The following TRERF1 variants were observed in gnomAD, a reference collection of about 807,000 sequenced individuals.
The protein encoded by TRERF1 is transcriptional regulating factor 1.
TRERF1 carries 27 observed loss-of-function variants against 122.9 expected under a neutral mutation model. The observed-to-expected ratio is 0.22, with a 90% confidence interval of 0.16 to 0.30. TRERF1 has a LOEUF of 0.30. TRERF1 is among the 10% of genes least tolerant of loss of function. The pLI is 1.00. For synonymous variants in TRERF1, 636 were observed against 641.7 expected (o/e 0.99, Z 0.13); for missense variants, 1,248 against 1,560.3 (o/e 0.80, Z 3.37).
intron 3 of TRERF1, among the ~76,000 whole-genome samples, chr6:42,340,036 T>C (rs943806226): frequency 1.3e-5 from 2 of 152,140 alleles, no homozygotes; most frequent in African/African-American, 4.8e-5. Flanking sequence ...GCACCACGTC[T>C]TTCCACCCTG....
intron 2 of TRERF1, among the ~76,000 whole-genome samples, chr6:42,405,809 T>TA (rs1179390267): frequency 1.5e-5 from 2 of 131,584 alleles, no homozygotes; most frequent in African/African-American, 3.1e-5. Context: ...AAAAAAAAAT[T>TA]AAAAAAATTA....
intron 2 of TRERF1, among the ~76,000 whole-genome samples, chr6:42,416,454 T>C (rs1029121001): frequency 3.9e-5 from 6 of 152,244 alleles, no homozygotes; most frequent in Non-Finnish European, 7.3e-5. Flanking sequence ...CTTTTCAGCA[T>C]CTTATTTTCT....
chr6:42,386,366 C>A (rs1361247395), intron 2 of TRERF1, among the ~76,000 whole-genome samples: 1 of 152,118 alleles, frequency 6.6e-6, no homozygotes, highest in Non-Finnish European at 1.5e-5. Flanking sequence ...TCGCTTGAAC[C>A]CAAGAGGCAG....
chr6:42,359,989 A>G (rs879498062), intron 3 of TRERF1, among the ~76,000 whole-genome samples: 1 of 152,254 alleles, frequency 6.6e-6, no homozygotes, highest in Non-Finnish European at 1.5e-5. Context: ...CATAAACACT[A>G]AATATTTTAA....
chr6:42,372,682 T>A (rs1773981629), intron 2 of TRERF1, among the ~76,000 whole-genome samples: 1 of 152,220 alleles, frequency 6.6e-6, no homozygotes, highest in South Asian at 2.1e-4. Context: ...GAGAATCGCC[T>A]GCCACTGATG....
chr6:42,432,556 G>A (rs1784649984), intron 2 of TRERF1, among the ~76,000 whole-genome samples: 1 of 152,148 alleles, frequency 6.6e-6, no homozygotes, highest in Non-Finnish European at 1.5e-5. Flanking sequence ...AAAATCACAT[G>A]ATGGGCCAGG....
chr6:42,332,426 T>C (rs1011708475), intron 3 of TRERF1, among the ~76,000 whole-genome samples: 2 of 152,172 alleles, frequency 1.3e-5, no homozygotes, highest in East Asian at 1.9e-4. Context: ...CCTTGGACAG[T>C]CAAGGCTCTC....
chr6:42,254,972 G>A (rs1225704775), intron 12 of TRERF1, 46 bp from the exon 13 acceptor site: 2 of 1,585,278 alleles, frequency 1.3e-6, no homozygotes, highest in African/African-American at 1.3e-5. Context: ...CAACTGGTCT[G>A]TGTGTCCTAT....
In TRERF1 at chr6:42,339,937, T is replaced by G. The variant is rs547050890; in HGVS notation, c.-371+23060A>C. On this transcript the variant is annotated intron_variant, in intron 3 of 17. Coordinates refer to ENST00000372922, the Ensembl canonical transcript of TRERF1. ...CTTTCAGTTTACTACTTAATACATA[T>G]TCAAACCAACATGTTTTCTGCGACC... Among the ~76,000 whole-genome samples, 6 of 152,342 alleles carry G rather than the reference T, an allele frequency of 3.9e-5. No homozygotes were observed. In the South Asian group the frequency reaches 1.0e-3, roughly 26 times the overall value.
chr6:42,298,091 A>G (rs1785394837), intron 4 of TRERF1, among the ~76,000 whole-genome samples: 1 of 152,258 alleles, frequency 6.6e-6, no homozygotes, highest in East Asian at 1.9e-4. Context: ...TGGGTTAAAG[A>G]GCATTTTAGA....
chr6:42,403,113 G>C (rs941369056), intron 2 of TRERF1, among the ~76,000 whole-genome samples: 1 of 152,068 alleles, frequency 6.6e-6, no homozygotes, highest in South Asian at 2.1e-4. Context: ...AGCGGCTCAC[G>C]AGACAGAGAC....
intron 12 of TRERF1, among the ~76,000 whole-genome samples, chr6:42,256,071 C>T (rs924376213): frequency 5.0e-5 from 7 of 140,660 alleles, no homozygotes; most frequent in African/African-American, 1.6e-4. Flanking sequence ...GCAGAGGTTG[C>T]GGTGAGCCGA....
chr6:42,298,999 G>A (rs549186234), intron 4 of TRERF1, among the ~76,000 whole-genome samples: 6 of 152,034 alleles, frequency 3.9e-5, no homozygotes, highest in South Asian at 2.1e-4. Context: ...GTAGCTCCTC[G>A]GGAGGAGGAG....
At chr6:42,347,379 C>CA (rs1427065318) in intron 3 of TRERF1, among the ~76,000 whole-genome samples, 1 of 152,196 alleles carries the variant, frequency 6.6e-6, no homozygotes, top group South Asian at 2.1e-4. Context: ...CAATAAGACA[C>CA]AATCTATGCC....
intron 2 of TRERF1, among the ~76,000 whole-genome samples, chr6:42,419,129 G>T (rs372090217): frequency 3.3e-5 from 5 of 152,104 alleles, no homozygotes; most frequent in Non-Finnish European, 5.9e-5. Context: ...CTTTTTAAAC[G>T]AACTATTTGA....
At chr6:42,294,611 T>G (rs1395783259) in intron 4 of TRERF1, among the ~76,000 whole-genome samples, 1 of 152,150 alleles carries the variant, frequency 6.6e-6, no homozygotes, top group Admixed American at 6.5e-5. Context: ...ACGTGAAGAT[T>G]TGATGTAGAG....
At chr6:42,319,553 G>A (rs1449904373) in intron 3 of TRERF1, among the ~76,000 whole-genome samples, 3 of 152,096 alleles carry the variant, frequency 2.0e-5, no homozygotes, top group African/African-American at 4.8e-5. Context: ...CTGGCACACT[G>A]GCTCATGCCT....
chr6:42,227,515 C>A (rs1313780473), exon 18 of TRERF1: 1 of 152,202 alleles, frequency 6.6e-6, no homozygotes, highest in Non-Finnish European at 1.5e-5. Flanking sequence ...GAAGTGAAAG[C>A]AGTCCTGGCA....
At chr6:42,273,928 G>C (rs533976404) in intron 4 of TRERF1, among the ~76,000 whole-genome samples, 35 of 152,318 alleles carry the variant, frequency 2.3e-4, no homozygotes, top group African/African-American at 7.7e-4. Context: ...TTGAACTTCT[G>C]TTGACATGTT....
Sources: gnomAD v4.1 joint callset for allele counts (sites outside exome capture counted in the v4.1 genomes callset) on GRCh38, gnomAD v4.1.1 for gene constraint, MANE v1.5 for transcripts, NCBI Gene and HGNC (gene_info 2026-07-23, HGNC 2026-07-21) for gene names.